Variants in CYYR1 observed in about 807,000 individuals in gnomAD.
CYYR1 encodes the protein cysteine and tyrosine-rich protein 1.
In CYYR1, 14 loss-of-function variants were observed where a neutral mutation model predicts 15.2. The ratio of observed to expected loss-of-function variants is 0.92; its 90% CI spans 0.61 to 1.44. The LOEUF (loss-of-function observed/expected upper bound fraction) is 1.44, where lower values mean the gene tolerates loss of function less well. Among genes scored for constraint, CYYR1 ranks in the 40% most tolerant of loss-of-function variants. The pLI, the probability that CYYR1 is intolerant of heterozygous loss-of-function variation, is 0.00. For synonymous variants in CYYR1, 80 were observed against 77.4 expected, an observed-to-expected ratio of 1.03 and a Z score of -0.18; for missense variants, 228 against 209.5, an observed-to-expected ratio of 1.09 and a Z score of -0.54.
intron 2 of CYYR1, among the ~76,000 whole-genome samples, chr21:26,546,073 G>T (rs976224518): frequency 2.0e-5 from 3 of 152,096 alleles, no homozygotes; most frequent in Admixed American, 6.5e-5. Context: ...CAACTTTGTG[G>T]TATCTTTTTC....
At chr21:26,482,313 T>C in intron 2 of CYYR1, 1 of 983,254 alleles carries the variant, frequency 1.0e-6, no homozygotes, top group Non-Finnish European at 1.2e-6. Context: ...TCCATATACA[T>C]ATTGATATCT....
At chr21:26,473,554 C>T (rs1250615133) in intron 3 of CYYR1, among the ~76,000 whole-genome samples, 2 of 152,194 alleles carry the variant, frequency 1.3e-5, no homozygotes, top group Admixed American at 6.5e-5. Context: ...GTTAATTTTC[C>T]AAAAGTTCCC....
At chr21:26,480,973 A>G (rs1411774303) in intron 2 of CYYR1, among the ~76,000 whole-genome samples, 1 of 152,196 alleles carries the variant, frequency 6.6e-6, no homozygotes, top group African/African-American at 2.4e-5. Flanking sequence ...GAGAACAGTT[A>G]TGACAAATAA....
Position 26,493,095 on chromosome 21 carries a change from G to A in CYYR1, c.177-12666C>T, listed in dbSNP as rs560358992. Among the ~76,000 whole-genome samples the A allele has an allele frequency of 3.3e-5, 5 of 152,224 alleles. No individual in the cohort carries two copies. The South Asian group carries it at 1.0e-3, about 32-fold the overall frequency. The stretch of plus-strand genomic sequence containing the variant: ...ATCAAAAGAACACAGAAATGCCATA[G>A]GAATGCAATATATCATGATGTGCTT... On this transcript the variant is annotated intron_variant, in intron 2 of 3. Transcript: ENST00000652641.
chr21:26,544,840 C>G (rs982677057), intron 2 of CYYR1, among the ~76,000 whole-genome samples: 1 of 152,056 alleles, frequency 6.6e-6, no homozygotes, highest in African/African-American at 2.4e-5. Flanking sequence ...AATCCCAGCA[C>G]TTTGGGAGGT....
intron 2 of CYYR1, among the ~76,000 whole-genome samples, chr21:26,552,383 C>T (rs1979459312): frequency 6.6e-6 from 1 of 152,052 alleles, no homozygotes; most frequent in Non-Finnish European, 1.5e-5. Context: ...TTAGCTATTT[C>T]AGTAGAGTTG....
intron 2 of CYYR1, among the ~76,000 whole-genome samples, chr21:26,492,167 C>T (rs1287577138): frequency 6.6e-6 from 1 of 152,212 alleles, no homozygotes; most frequent in East Asian, 1.9e-4. Flanking sequence ...CATTGTCTTT[C>T]ACTATAGATG....
intron 2 of CYYR1, among the ~76,000 whole-genome samples, chr21:26,539,849 A>C (rs1026485853): frequency 4.6e-5 from 7 of 152,120 alleles, no homozygotes; most frequent in African/African-American, 1.7e-4. Context: ...TTTGCATTCA[A>C]CCTATGTTAT....
intron 1 of CYYR1, among the ~76,000 whole-genome samples, chr21:26,569,599 T>C (rs1017788535): frequency 5.3e-5 from 8 of 152,004 alleles, no homozygotes; most frequent in African/African-American, 1.9e-4. Flanking sequence ...ATTAAAGAAG[T>C]TGAAATTATC....
intron 2 of CYYR1, among the ~76,000 whole-genome samples, chr21:26,528,018 A>T (rs1453349594): frequency 6.6e-6 from 1 of 152,236 alleles, no homozygotes; most frequent in African/African-American, 2.4e-5. Context: ...TAAAACGAGT[A>T]AAAATCCAGA....
chr21:26,523,821 C>A (rs2065831635), intron 2 of CYYR1, among the ~76,000 whole-genome samples: 1 of 152,140 alleles, frequency 6.6e-6, no homozygotes, highest in Non-Finnish European at 1.5e-5. Flanking sequence ...GAGCCACAGA[C>A]AATAGGCGTT....
At chr21:26,545,567 CTTTTTTTTT>C (rs770885517) in intron 2 of CYYR1, among the ~76,000 whole-genome samples, 5 of 73,744 alleles carry the variant, frequency 6.8e-5, no homozygotes, top group East Asian at 9.7e-4. Context: ...GATGCTTATT[CTTTTTTTTT>C]TTTTTTTTTT....
intron 2 of CYYR1, among the ~76,000 whole-genome samples, chr21:26,497,840 T>C (rs189452789): frequency 1.2e-4 from 19 of 152,296 alleles, no homozygotes; most frequent in Non-Finnish European, 2.2e-4. Context: ...CTTTTCTACA[T>C]TGAAAGACAG....
intron 3 of CYYR1, among the ~76,000 whole-genome samples, chr21:26,470,346 A>T (rs548980396): frequency 3.3e-5 from 5 of 152,266 alleles, no homozygotes; most frequent in Admixed American, 6.5e-5. Flanking sequence ...TGCAGAAAAA[A>T]ACTATGTTTT....
At chr21:26,541,196 A>G (rs1364555564) in intron 2 of CYYR1, among the ~76,000 whole-genome samples, 4 of 152,198 alleles carry the variant, frequency 2.6e-5, no homozygotes, top group Non-Finnish European at 5.9e-5. Flanking sequence ...AGAGGCAGGA[A>G]CAGGTAAAAC....
chr21:26,480,367 A>G lies in CYYR1; in HGVS notation c.239T>C (p.Ile80Thr), dbSNP rs2123399473. 1 of 1,613,600 alleles carries G rather than the reference A, an allele frequency of 6.2e-7. No individual in the cohort carries two copies. Among genetic ancestry groups the G allele is most frequent in the South Asian group, 1.1e-5 (1 of 91,062 alleles). ...IVFIMGVIAGIAICICMCMKN... is the reference protein window; with the variant it reads ...IVFIMGVIAGTAICICMCMKN... ...CATGCACATGCAGATGCATATGGCA[A>G]TCCCAGCAATGACCCCCATGATAAA... is the stretch of plus-strand genomic sequence containing the variant. The change falls in exon 3 of 4, where the codon ATT becomes ACT. Residue 80 changes from isoleucine to threonine, a missense_variant. Ile to Thr is a moderately conservative substitution (Grantham distance 89). Transcript: ENST00000652641.
At chr21:26,565,775 T>TA (rs980767366) in intron 2 of CYYR1, among the ~76,000 whole-genome samples, 3 of 152,260 alleles carry the variant, frequency 2.0e-5, no homozygotes, top group Non-Finnish European at 4.4e-5. Flanking sequence ...GAAGTTGCTG[T>TA]ATGTGTATCA....
intron 2 of CYYR1, among the ~76,000 whole-genome samples, chr21:26,516,302 A>G (rs1042159679): frequency 6.6e-6 from 1 of 152,228 alleles, no homozygotes; most frequent in Non-Finnish European, 1.5e-5. Context: ...GTAGGGCAAA[A>G]TGTATTTAGC....
intron 1 of CYYR1, among the ~76,000 whole-genome samples, chr21:26,570,149 C>T (rs1980915693): frequency 6.6e-6 from 1 of 152,188 alleles, no homozygotes; most frequent in Admixed American, 6.5e-5. Flanking sequence ...AGCTTTTTCT[C>T]ACTGGAGAAA....
Sources: gnomAD v4.1 joint callset for allele counts (sites outside exome capture counted in the v4.1 genomes callset) on GRCh38, gnomAD v4.1.1 for gene constraint, MANE v1.5 for transcripts, NCBI Gene and HGNC (gene_info 2026-07-23, HGNC 2026-07-21) for gene names.